The following HS3ST3A1 variants were observed in gnomAD, a reference collection of about 807,000 sequenced individuals.
HS3ST3A1 encodes the protein heparan sulfate-glucosamine 3-sulfotransferase 3A1.
In HS3ST3A1, 19 loss-of-function variants were observed where a neutral mutation model predicts 25.7. The ratio of observed to expected loss-of-function variants is 0.74; its 90% CI spans 0.52 to 1.08. The LOEUF is 1.08. Ranked by LOEUF, HS3ST3A1 falls within the 50% of genes least tolerant of loss-of-function variation. The pLI, the probability that HS3ST3A1 is intolerant of heterozygous loss-of-function variation, is 0.00. For missense variants in HS3ST3A1, 459 were observed against 594.3 expected, an observed-to-expected ratio of 0.77 and a Z score of 2.37; for synonymous variants, 226 against 278.6, an observed-to-expected ratio of 0.81 and a Z score of 1.88.
intron 1 of HS3ST3A1, among the ~76,000 whole-genome samples, chr17:13,538,363 G>A (rs1906830296): frequency 6.6e-6 from 1 of 152,212 alleles, no homozygotes. Context: ...CATTTTGCAA[G>A]TCATCAAGGT....
intron 1 of HS3ST3A1, among the ~76,000 whole-genome samples, chr17:13,591,043 C>A (rs1305163968): frequency 6.9e-6 from 1 of 144,786 alleles, no homozygotes; most frequent in East Asian, 2.0e-4. Context: ...TTTTCTTTTT[C>A]TTTTCTTTTT....
chr17:13,558,546 C>G (rs1907441085), intron 1 of HS3ST3A1, among the ~76,000 whole-genome samples: 1 of 152,086 alleles, frequency 6.6e-6, no homozygotes, highest in Non-Finnish European at 1.5e-5. Flanking sequence ...ATGATTATCT[C>G]GAGCGAAGGA....
chr17:13,557,113 C>T (rs1907403639), intron 1 of HS3ST3A1, among the ~76,000 whole-genome samples: 1 of 152,150 alleles, frequency 6.6e-6, no homozygotes. Flanking sequence ...ACAAAGCAAA[C>T]ATCTAGCCCA....
intron 1 of HS3ST3A1, among the ~76,000 whole-genome samples, chr17:13,541,220 A>C (rs532963474): frequency 2.0e-5 from 3 of 152,190 alleles, no homozygotes; most frequent in African/African-American, 7.2e-5. Context: ...CCAGGGGGAA[A>C]GAAAAATTCC....
chr17:13,545,928 G>C (rs12051577), intron 1 of HS3ST3A1, among the ~76,000 whole-genome samples: 7,213 of 152,148 alleles, frequency 0.047, 418 homozygotes, highest in African/African-American at 0.13. Flanking sequence ...GGTGAACCGA[G>C]ATTGTGTCAC....
At chr17:13,583,849 C>T (rs1057436348) in intron 1 of HS3ST3A1, among the ~76,000 whole-genome samples, 2 of 152,252 alleles carry the variant, frequency 1.3e-5, no homozygotes, top group South Asian at 2.1e-4. Flanking sequence ...CGGTATTTGG[C>T]TTAGTTTGGT....
intron 1 of HS3ST3A1, among the ~76,000 whole-genome samples, chr17:13,590,273 T>C (rs1306581955): frequency 1.3e-5 from 2 of 151,468 alleles, no homozygotes; most frequent in African/African-American, 4.9e-5. Context: ...TAAAGATGAA[T>C]TGACCATTGA....
At chr17:13,598,928 G>C (rs1908650420) in intron 1 of HS3ST3A1, among the ~76,000 whole-genome samples, 2 of 152,170 alleles carry the variant, frequency 1.3e-5, no homozygotes, top group African/African-American at 4.8e-5. Flanking sequence ...GCCCAACATA[G>C]TGTTAGATGT....
At chr17:13,516,730 T>C (rs1266324280) in intron 1 of HS3ST3A1, among the ~76,000 whole-genome samples, 1 of 152,224 alleles carries the variant, frequency 6.6e-6, no homozygotes, top group Non-Finnish European at 1.5e-5. Context: ...CGAGTGATTT[T>C]TTGGAAACGT....
intron 1 of HS3ST3A1, among the ~76,000 whole-genome samples, chr17:13,585,841 T>TCC (rs1555542894): frequency 7.4e-5 from 4 of 54,082 alleles, no homozygotes; most frequent in African/African-American, 1.4e-4. Flanking sequence ...TCCTTCTGCG[T>TCC]TTTTTTTTTT....
intron 1 of HS3ST3A1, among the ~76,000 whole-genome samples, chr17:13,546,040 C>T (rs1372486236): frequency 1.3e-5 from 2 of 151,982 alleles, no homozygotes; most frequent in South Asian, 2.1e-4. Context: ...CTCTGGGGGT[C>T]GTTTGAGAGA....
At chr17:13,582,569 G>T (rs1342469634) in intron 1 of HS3ST3A1, among the ~76,000 whole-genome samples, 1 of 152,186 alleles carries the variant, frequency 6.6e-6, no homozygotes, top group Non-Finnish European at 1.5e-5. Flanking sequence ...CATGAATACA[G>T]CCAAAATATA....
intron 1 of HS3ST3A1, among the ~76,000 whole-genome samples, chr17:13,541,495 C>T (rs7224266): frequency 0.87 from 132,531 of 152,104 alleles, 57,969 homozygotes; most frequent in African/African-American, 0.94. Flanking sequence ...CCAGTTGATA[C>T]AATCACCCTG....
intron 1 of HS3ST3A1, among the ~76,000 whole-genome samples, chr17:13,509,078 G>T (rs1905778499): frequency 6.6e-6 from 1 of 151,820 alleles, no homozygotes; most frequent in South Asian, 2.1e-4. Flanking sequence ...AAAAAAGGAA[G>T]TACTTCCTGG....
intron 1 of HS3ST3A1, among the ~76,000 whole-genome samples, chr17:13,587,739 A>G (rs879540713): frequency 1.2e-3 from 176 of 152,330 alleles, no homozygotes; most frequent in Non-Finnish European, 2.1e-3. Context: ...CTTGAAAAAA[A>G]AGACCTACCA....
At chr17:13,534,016 G>A (rs77517255) in intron 1 of HS3ST3A1, among the ~76,000 whole-genome samples, 6,505 of 152,216 alleles carry the variant, frequency 0.043, 172 homozygotes, top group African/African-American at 0.074. Context: ...CATAGATCCC[G>A]AAGCAATCAC....
chr17:13,579,214 G>A (rs75020413), intron 1 of HS3ST3A1, among the ~76,000 whole-genome samples: 3,535 of 152,206 alleles, frequency 0.023, 139 homozygotes, highest in East Asian at 0.16. Flanking sequence ...CATTTTGGAC[G>A]TCGATTTGGC....
At chr17:13,567,789 G>A (rs1288915442) in intron 1 of HS3ST3A1, among the ~76,000 whole-genome samples, 2 of 152,208 alleles carry the variant, frequency 1.3e-5, no homozygotes, top group Non-Finnish European at 2.9e-5. Flanking sequence ...CCGATAATGA[G>A]TTGCTTCTTA....
chr17:13,601,085 C>T lies in HS3ST3A1; in HGVS notation c.45G>A (p.Glu15=). The T allele has an allele frequency of 6.3e-7, 1 of 1,594,126 alleles. No homozygotes were observed. The highest frequency in any genetic ancestry group is 8.5e-7 in the Non-Finnish European group (1 of 1,171,646). ...TCCGGAAGATGCTGCGGGACAGCGGCTCGGCCGAGGTGGAGAGGGCACTGG... is the reference window on the plus strand; with the variant it reads ...TCCGGAAGATGCTGCGGGACAGCGGTTCGGCCGAGGTGGAGAGGGCACTGG... The part of the protein sequence containing the change: ...GPASALSTSA[E]PLSRSIFRKF... Residue 15 remains glutamate (E), a synonymous_variant, in exon 1 of 2, where the codon GAG becomes GAA. Transcript: ENST00000284110.
Sources: gnomAD v4.1 joint callset for allele counts (sites outside exome capture counted in the v4.1 genomes callset) on GRCh38, gnomAD v4.1.1 for gene constraint, MANE v1.5 for transcripts, NCBI Gene and HGNC (gene_info 2026-07-23, HGNC 2026-07-21) for gene names.